Variants in FLT3 observed in about 807,000 individuals in gnomAD.
FLT3 encodes fms related receptor tyrosine kinase 3, also known as receptor-type tyrosine-protein kinase FLT3.
A neutral mutation model predicts 126.6 loss-of-function variants in FLT3; 46 were observed. The observed-to-expected ratio is 0.36, with a 90% CI of 0.29 to 0.46. The LOEUF (loss-of-function observed/expected upper bound fraction) is 0.46, where lower values mean the gene tolerates loss of function less well. Ranked by LOEUF, FLT3 falls within the 20% of genes least tolerant of loss-of-function variation. The pLI is 1.00. For synonymous variants in FLT3, 404 were observed against 434.4 expected, an observed-to-expected ratio of 0.93 and a Z score of 0.87; for missense variants, 1,069 against 1,190.3, an observed-to-expected ratio of 0.90 and a Z score of 1.50.
chr13:28,090,200 C>G lies in FLT3; in HGVS notation c.43+10268G>C, dbSNP rs144858605. 1.6e-3 allele frequency among the ~76,000 whole-genome samples: 242 copies of G among 149,950 alleles called. 2 individuals are homozygous for G. The highest frequency in any genetic ancestry group is 5.4e-3 in the African/African-American group (220 of 40,614). The stretch of plus-strand genomic sequence containing the variant: ...GGATTACAGGCGTGCATCACCATGC[C>G]CAATTTTTTGTATTTTTAGTAGAGA... On this transcript the variant is annotated intron_variant, in intron 1 of 23. Transcript: ENST00000241453.
chr13:28,088,584 CTT>C (rs34680883), intron 1 of FLT3, among the ~76,000 whole-genome samples: 11 of 103,338 alleles, frequency 1.1e-4, no homozygotes, highest in Admixed American at 2.5e-4. Context: ...CATCCAAAAC[CTT>C]TTTTTTTTTT....
At chr13:28,078,800 G>T (rs576047047) in intron 1 of FLT3, among the ~76,000 whole-genome samples, 1 of 149,700 alleles carries the variant, frequency 6.7e-6, no homozygotes, top group South Asian at 2.1e-4. Context: ...CACAACCTCC[G>T]CCTCCCAGGT....
intron 23 of FLT3, among the ~76,000 whole-genome samples, chr13:28,012,084 G>A (rs1256571797): frequency 2.0e-5 from 3 of 152,046 alleles, no homozygotes; most frequent in Non-Finnish European, 2.9e-5. Flanking sequence ...GTGACCCACT[G>A]CAATGGGCCA....
intron 4 of FLT3, among the ~76,000 whole-genome samples, chr13:28,056,711 A>C (rs1876036590): frequency 2.6e-5 from 4 of 152,218 alleles, no homozygotes. Context: ...CGCGCTGTCC[A>C]ACACAGTAGC....
In FLT3 at chr13:28,070,522, G is replaced by T; in HGVS notation, c.134C>A (p.Ser45Ter). 6.2e-7 allele frequency: 1 copy of T among 1,606,676 alleles called. No individual in the cohort carries two copies. The highest frequency in any genetic ancestry group is 1.1e-5 in the South Asian group (1 of 90,880). ...ATATGATGATGACTTCCCCACTGAT[G>T]AATCATTGTTCTTATGATTGATTAA... ...CVLINHKNND[S>*]SVGKSSSYPM... The change falls in exon 2 of 24, where the codon TCA becomes TAA. Residue 45 changes from serine to a stop codon, truncating the protein, a stop_gained. Transcript: ENST00000241453. LOFTEE classifies it high-confidence loss of function.
rs1593242499 is a variant in FLT3, at chr13:28,035,567, C to G, written c.1525G>C (p.Gly509Arg). 6.2e-7 allele frequency: 1 copy of G among 1,614,124 alleles called. No individual in the cohort carries two copies. Among genetic ancestry groups the G allele is most frequent in the Non-Finnish European group, 8.5e-7 (1 of 1,180,028 alleles). Reference protein sequence around the residue: ...STLNMSEAIKGFLVKCCAYNS... With the variant: ...STLNMSEAIKRFLVKCCAYNS... Reference sequence around the variant, plus strand: ...TATGCACAGCACTTGACCAGGAACCCTTTTATGGCTTCACTCATGTTTAGA... The same window carrying G: ...TATGCACAGCACTTGACCAGGAACCGTTTTATGGCTTCACTCATGTTTAGA... The change falls in exon 12 of 24, where the codon GGG (glycine) becomes CGG (arginine). Residue 509 changes from glycine (G) to arginine (R), a missense_variant. By Grantham distance (125) the Gly-to-Arg change is moderately radical. Transcript: ENST00000241453.
At chr13:28,012,836 C>G (rs1452795827) in intron 23 of FLT3, among the ~76,000 whole-genome samples, 1 of 151,846 alleles carries the variant, frequency 6.6e-6, no homozygotes, top group African/African-American at 2.4e-5. Flanking sequence ...ACTTGGGAGG[C>G]TGAGGTGGGA....
rs374521992 is a variant in FLT3, at chr13:28,023,308, A to C, written c.2418+42T>G. On this transcript the variant is annotated intron_variant, in intron 19 of 23. Coordinates refer to ENST00000241453, the MANE Select transcript of FLT3 (RefSeq NM_004119.3). ...AAAACATATATAAGCACATCTTTTC[A>C]AATCTTTTTTTTGGTTTGTTTTTTC... is the stretch of plus-strand genomic sequence containing the variant. 3.7e-5 allele frequency: 58 copies of C among 1,551,880 alleles called. No individual in the cohort carries two copies. In the African/African-American group the frequency reaches 7.4e-4, roughly 20 times the overall value.
At chr13:28,035,382 A>T in intron 12 of FLT3, 113 bp downstream of exon 12, 1 of 988,018 alleles carries the variant, frequency 1.0e-6, no homozygotes, top group Non-Finnish European at 1.5e-6. Context: ...ACCTTTTCTC[A>T]CACACTGACC....
chr13:28,072,560 C>A (rs1877612639), intron 1 of FLT3, among the ~76,000 whole-genome samples: 1 of 152,164 alleles, frequency 6.6e-6, no homozygotes, highest in Non-Finnish European at 1.5e-5. Flanking sequence ...TCATGCCCAG[C>A]TAATTTTCGT....
At chr13:28,045,869 A>T (rs542294425) in intron 9 of FLT3, among the ~76,000 whole-genome samples, 3 of 134,292 alleles carry the variant, frequency 2.2e-5, no homozygotes, top group South Asian at 5.2e-4. Context: ...AAAAAAAAAA[A>T]GCTTGATATT....
At chr13:28,017,532 T>C (rs1871968855) in intron 20 of FLT3, among the ~76,000 whole-genome samples, 1 of 152,066 alleles carries the variant, frequency 6.6e-6, no homozygotes, top group African/African-American at 2.4e-5. Context: ...CAGCCAGGTA[T>C]TGTAATTCTT....
chr13:28,019,949 G>A (rs1872234645), intron 19 of FLT3, among the ~76,000 whole-genome samples: 1 of 152,098 alleles, frequency 6.6e-6, no homozygotes, highest in African/African-American at 2.4e-5. Flanking sequence ...TCCAAACCTA[G>A]GGATGCAACC....
In FLT3 at chr13:28,014,858, TG is replaced by T. The variant is rs5802456; in HGVS notation, c.2753+298del. On this transcript the variant is annotated intron_variant, in intron 22 of 23. Coordinates refer to ENST00000241453, the MANE Select transcript of FLT3 (RefSeq NM_004119.3). ...TCTGAGGACAGGAAAGGTTCAGCTT[TG>T]TTCAGAAACTCCCAAAACAAAGAGT... Among the ~76,000 whole-genome samples, 1,342 of 152,244 alleles carry T rather than the reference TG, an allele frequency of 8.8e-3. 14 individuals carry two copies. Among genetic ancestry groups the T allele is most frequent in the African/African-American group, 0.028 (1,170 of 41,552 alleles).
In FLT3 at chr13:28,048,401, T is replaced by A. The variant is rs1875095932; in HGVS notation, c.1079A>T (p.Glu360Val). 4.3e-6 allele frequency: 7 copies of A among 1,610,826 alleles called. 1 individual carries two copies. In the South Asian group the frequency reaches 7.7e-5, roughly 18 times the overall value. Reference sequence around the variant, plus strand: ...ACAAAACTCTTCATATTGGTCAATTTCATAATCTTCACTTGAATTGGTAGC... The same window carrying A: ...ACAAAACTCTTCATATTGGTCAATTACATAATCTTCACTTGAATTGGTAGC... ...INATNSSEDY[E>V]IDQYEEFCFS... Residue 360 changes from glutamate (E) to valine (V), a missense_variant, in exon 9 of 24, where the codon GAA becomes GTA. Transcript: ENST00000241453.
At chr13:28,029,682 A>G (rs1873141735) in intron 15 of FLT3, among the ~76,000 whole-genome samples, 1 of 152,228 alleles carries the variant, frequency 6.6e-6, no homozygotes, top group Non-Finnish European at 1.5e-5. Context: ...CCTCAGGTCT[A>G]GAACATTAGA....
chr13:28,052,424 A>C, intron 5 of FLT3, 121 bp downstream of exon 5: 1 of 1,065,372 alleles, frequency 9.4e-7, no homozygotes, highest in Non-Finnish European at 1.4e-6. Flanking sequence ...AACTTTAAGA[A>C]GCCAAAGTTT....
chr13:28,098,817 G>T (rs1172842350), intron 1 of FLT3, among the ~76,000 whole-genome samples: 1 of 151,936 alleles, frequency 6.6e-6, no homozygotes. Flanking sequence ...GAACAAGGTT[G>T]AATCTTATTA....
intron 23 of FLT3, among the ~76,000 whole-genome samples, chr13:28,008,934 T>C (rs565147971): frequency 2.1e-4 from 32 of 152,272 alleles, no homozygotes; most frequent in African/African-American, 7.0e-4. Context: ...GCTTACTGAT[T>C]GTTGCCATTT....
Sources: gnomAD v4.1 joint callset for allele counts (sites outside exome capture counted in the v4.1 genomes callset) on GRCh38, gnomAD v4.1.1 for gene constraint, MANE v1.5 for transcripts, NCBI Gene and HGNC (gene_info 2026-07-23, HGNC 2026-07-21) for gene names.